Variants in PCDHGB2 observed in about 807,000 individuals in gnomAD.
The protein encoded by PCDHGB2 is protocadherin gamma subfamily B, 2.
A neutral mutation model predicts 59.3 loss-of-function variants in PCDHGB2; 55 were observed. The ratio of observed to expected loss-of-function variants is 0.93; its 90% CI spans 0.75 to 1.16. The LOEUF is 1.16. Ranked by LOEUF, PCDHGB2 falls within the 50% of genes most tolerant of loss-of-function variation. The pLI, the probability that PCDHGB2 is intolerant of heterozygous loss-of-function variation, is 0.00. For missense variants in PCDHGB2, 1,228 were observed against 1,198.5 expected (o/e 1.02, Z -0.36); for synonymous variants, 516 against 512.0 (o/e 1.01, Z -0.11).
At chr5:141,394,198 T>C in intron 1 of PCDHGB2, 1 of 1,613,874 alleles carries the variant, frequency 6.2e-7, no homozygotes, top group East Asian at 2.2e-5. Context: ...GCGTATATCC[T>C]AGAGAACAAC....
chr5:141,399,165 T>C (rs1423083245), intron 1 of PCDHGB2: 1 of 1,613,774 alleles, frequency 6.2e-7, no homozygotes, highest in South Asian at 1.1e-5. Context: ...TTACATTCCA[T>C]TCTCTACTTG....
intron 1 of PCDHGB2, chr5:141,364,225 G>T (rs1763227856): frequency 2.9e-6 from 4 of 1,362,414 alleles, no homozygotes; most frequent in Non-Finnish European, 3.9e-6. Flanking sequence ...AAAAGCCAAC[G>T]CTCCACGCCC....
intron 1 of PCDHGB2, chr5:141,390,359 C>T: frequency 1.3e-6 from 2 of 1,538,574 alleles, no homozygotes; most frequent in Admixed American, 1.9e-5. Flanking sequence ...TACATATTTG[C>T]AGGAAAATAT....
intron 1 of PCDHGB2, chr5:141,377,740 A>G (rs1017037020): frequency 9.9e-5 from 15 of 152,232 alleles, no homozygotes; most frequent in African/African-American, 3.6e-4. Context: ...ATCATTGGTA[A>G]CTGCAGCAGG....
intron 1 of PCDHGB2, among the ~76,000 whole-genome samples, chr5:141,363,946 A>T (rs1763122244): frequency 1.3e-5 from 2 of 152,228 alleles, no homozygotes; most frequent in African/African-American, 4.8e-5. Flanking sequence ...AATCATATTG[A>T]TCTCAGGGAT....
chr5:141,413,880 T>G, intron 1 of PCDHGB2: 1 of 1,613,420 alleles, frequency 6.2e-7, no homozygotes, highest in Non-Finnish European at 8.5e-7. Flanking sequence ...TCAGTGTGAC[T>G]GTCTTCGATG....
intron 1 of PCDHGB2, chr5:141,399,389 C>G: frequency 1.2e-6 from 2 of 1,614,024 alleles, no homozygotes; most frequent in East Asian, 2.2e-5. Flanking sequence ...ATCACAGCCA[C>G]AGACAGGGGC....
chr5:141,466,885 G>A (rs997982577), intron 1 of PCDHGB2, among the ~76,000 whole-genome samples: 3 of 151,938 alleles, frequency 2.0e-5, no homozygotes, highest in Non-Finnish European at 4.4e-5. Context: ...TTCATAATAT[G>A]CATTTTCCAT....
chr5:141,458,624 C>G (rs1382508302), intron 1 of PCDHGB2, among the ~76,000 whole-genome samples: 1 of 152,082 alleles, frequency 6.6e-6, no homozygotes, highest in East Asian at 1.9e-4. Context: ...GGCTGGAGTG[C>G]AGTGGCACAA....
chr5:141,498,065 G>C (rs1197771947), intron 2 of PCDHGB2, among the ~76,000 whole-genome samples: 1 of 152,220 alleles, frequency 6.6e-6, no homozygotes, highest in Non-Finnish European at 1.5e-5. Context: ...GACTGAAACT[G>C]TCATAAGTGC....
In PCDHGB2 at chr5:141,388,167, A is replaced by G. The variant is rs2091267491; in HGVS notation, c.2421+25611A>G. On this transcript the variant is annotated intron_variant, in intron 1 of 3. Coordinates refer to ENST00000522605, the MANE Select transcript of PCDHGB2 (RefSeq NM_018923.3). ...GAGCAGCAGGCTAGACAGGGAGGAG[A>G]TATGCGGGAAGAAGCCAGCTTGTGC... 4.1e-6 allele frequency: 6 copies of G among 1,478,972 alleles called. No individual in the cohort carries two copies. In the African/African-American group the frequency reaches 5.7e-5, roughly 14 times the overall value. 91.6% of individuals were successfully genotyped at this position (1,478,972 alleles called of 1,614,324 possible). A position where few individuals can be genotyped will look rare whatever the true frequency, so the allele number is the denominator to read the frequency against.
At chr5:141,457,715 CA>C (rs2098928510) in intron 1 of PCDHGB2, among the ~76,000 whole-genome samples, 2 of 152,212 alleles carry the variant, frequency 1.3e-5, no homozygotes, top group Non-Finnish European at 2.9e-5. Flanking sequence ...CACTGTTCCA[CA>C]AGGAATTTCA....
chr5:141,420,330 C>G lies in PCDHGB2; in HGVS notation c.2421+57774C>G, dbSNP rs765696240. 711 of 1,399,258 alleles carry G rather than the reference C, an allele frequency of 5.1e-4. 1 individual carries two copies. The highest frequency in any genetic ancestry group is 6.5e-4 in the Non-Finnish European group (676 of 1,043,138). 86.7% of individuals were successfully genotyped at this position (1,399,258 alleles called of 1,614,324 possible). A position where few individuals can be genotyped will look rare whatever the true frequency, so the allele number is the denominator to read the frequency against. On this transcript the variant is annotated intron_variant, in intron 1 of 3. Coordinates refer to ENST00000522605, the MANE Select transcript of PCDHGB2 (RefSeq NM_018923.3). Reference sequence around the variant, plus strand: ...TTATATTACAATATGCCAATATATTCCAATATAGTGGTATTATTTTAAGAT... The same window carrying G: ...TTATATTACAATATGCCAATATATTGCAATATAGTGGTATTATTTTAAGAT...
At chr5:141,383,534 T>C in intron 1 of PCDHGB2, 6 of 1,612,436 alleles carry the variant, frequency 3.7e-6, no homozygotes, top group Non-Finnish European at 5.1e-6. Context: ...CACCTGGTCC[T>C]CACAGCCTCT....
intron 1 of PCDHGB2, among the ~76,000 whole-genome samples, chr5:141,435,539 C>T (rs75717921): frequency 1.3e-5 from 2 of 152,226 alleles, no homozygotes; most frequent in South Asian, 4.1e-4. Flanking sequence ...TCAGAATTAA[C>T]AAAATGTGTT....
Position 141,364,526 on chromosome 5 carries a change from A to G in PCDHGB2, c.2421+1970A>G, listed in dbSNP as rs532623040. The G allele has an allele frequency of 8.7e-6, 14 of 1,614,060 alleles. No homozygotes were observed. In the African/African-American group the frequency reaches 1.7e-4, roughly 20 times the overall value. On this transcript the variant is annotated intron_variant, in intron 1 of 3. Coordinates refer to ENST00000522605, the MANE Select transcript of PCDHGB2 (RefSeq NM_018923.3). ...GGAGCTGGCGGAGCGCGGAGTCCGC[A>G]TCGTCTCCAGAGGTAGGACGCAGCT...
chr5:141,415,039 G>A (rs761101620), intron 1 of PCDHGB2: 1 of 1,613,486 alleles, frequency 6.2e-7, no homozygotes, highest in South Asian at 1.1e-5. Context: ...GGGACTCTTC[G>A]CGGTGGGGGA....
intron 1 of PCDHGB2, chr5:141,427,892 C>A (rs752723370): frequency 9.9e-5 from 155 of 1,567,044 alleles, no homozygotes; most frequent in Non-Finnish European, 1.3e-4. Context: ...ACGACCAGGG[C>A]TCGCCCGCGC....
chr5:141,505,246 G>C, intron 2 of PCDHGB2, 147 bp from the exon 3 acceptor site: 2 of 1,436,674 alleles, frequency 1.4e-6, no homozygotes, highest in Non-Finnish European at 1.9e-6. Flanking sequence ...AAGGATTGTA[G>C]AAGTGCCTCC....
Sources: allele counts gnomAD v4.1 joint callset (sites outside exome capture counted in the v4.1 genomes callset), GRCh38; gene constraint gnomAD v4.1.1; transcripts MANE v1.5; gene names NCBI Gene and HGNC (gene_info 2026-07-23, HGNC 2026-07-21).